CTU2: variants seen among roughly 807,000 people sequenced by gnomAD.
CTU2 encodes cytoplasmic tRNA 2-thiolation protein 2.
A neutral mutation model predicts 64.1 loss-of-function variants in CTU2; 80 were observed. That is an observed-to-expected ratio of 1.25 (90% CI 1.04 to 1.50). CTU2 has a LOEUF of 1.50. Ranked by LOEUF, CTU2 falls within the 40% of genes most tolerant of loss-of-function variation. The pLI, the probability that CTU2 is intolerant of heterozygous loss-of-function variation, is 0.00. For missense variants in CTU2, 1,110 were observed against 690.2 expected (o/e 1.61, Z -6.81); for synonymous variants, 482 against 285.3 (o/e 1.69, Z -6.95).
chr16:88,709,621 C>T (rs988179756), intron 2 of CTU2: 4 of 385,960 alleles, frequency 1.0e-5, no homozygotes, highest in African/African-American at 8.2e-5. Context: ...CTGTCCACTC[C>T]ACCAGCTGGG....
intron 11 of CTU2, 49 bp downstream of exon 11, chr16:88,714,535 G>A (rs1169124452): frequency 6.2e-7 from 1 of 1,612,428 alleles, no homozygotes; most frequent in East Asian, 2.2e-5. Flanking sequence ...GCCAGGGAGT[G>A]GGTGTGGGGG....
chr16:88,714,991 T>G, intron 13 of CTU2, 57 bp from the exon 14 acceptor site: 1 of 1,598,512 alleles, frequency 6.3e-7, no homozygotes, highest in Non-Finnish European at 8.5e-7. Context: ...ACCTCGTGGG[T>G]GGCTTGAGGG....
Position 88,714,943 on chromosome 16 carries a change from C to T in CTU2, c.1419+17C>T, listed in dbSNP as rs376143502. 6.2e-7 allele frequency: 1 copy of T among 1,611,176 alleles called. No individual in the cohort carries two copies. The highest frequency in any genetic ancestry group is 8.5e-7 in the Non-Finnish European group (1 of 1,178,886). On this transcript the variant is annotated intron_variant, in intron 13 of 14. Transcript: ENST00000453996. Reference sequence around the variant, plus strand: ...AAGGACTTGGTGAGTACGTGCCCACCTGTCCTGGGCCGGGCTTGGGGACGC... The same window carrying T: ...AAGGACTTGGTGAGTACGTGCCCACTTGTCCTGGGCCGGGCTTGGGGACGC...
rs755882986 is a variant in CTU2 at position 88,710,256 on chromosome 16, A to C, written c.256A>C (p.Ser86Arg). 3.1e-6 allele frequency: 5 copies of C among 1,613,878 alleles called. No homozygotes were observed. In the South Asian group the frequency reaches 5.5e-5, roughly 18 times the overall value. Reference protein sequence around the residue: ...LLAWSGGPSSSSMVWQVLEGL... With the variant: ...LLAWSGGPSSRSMVWQVLEGL... ...GGCGTGGTCTGGGGGGCCTTCGTCC[A>C]GCTCCATGGTCTGGCAGGTTCTTGA... is the stretch of plus-strand genomic sequence containing the variant. The change falls in exon 4 of 15, where the codon AGC becomes CGC. Residue 86 changes from serine (S) to arginine (R), a missense_variant. Ser to Arg is a moderately radical substitution (Grantham distance 110). Transcript: ENST00000453996.
At chr16:88,713,948 G>A (rs1351580237) in intron 9 of CTU2, among the ~76,000 whole-genome samples, 170 bp downstream of exon 9, 1 of 152,214 alleles carries the variant, frequency 6.6e-6, no homozygotes, top group Non-Finnish European at 1.5e-5. Context: ...AGGGTGTGGG[G>A]GTGACAGGAG....
intron 4 of CTU2, 84 bp downstream of exon 4, chr16:88,710,366 C>G (rs1304120957): frequency 3.4e-6 from 5 of 1,464,214 alleles, no homozygotes; most frequent in South Asian, 1.2e-5. Flanking sequence ...CTGAGGGGCT[C>G]TTGGTTGGGG....
At position 88,714,571 on chromosome 16, in the gene CTU2, C is replaced by A. The variant is rs1435905578; in HGVS notation, c.1202-16C>A. 4 of 1,612,546 alleles carry A rather than the reference C, an allele frequency of 2.5e-6. No individual in the cohort carries two copies. In the African/African-American group the frequency reaches 4.0e-5, roughly 16 times the overall value. On this transcript the variant is annotated splice_polypyrimidine_tract_variant and intron_variant, in intron 11 of 14. Transcript: ENST00000453996. ...CTCAGCAGCCCCAGGCTCCGTCACCCCCTCTCTGCTTGCAGACAGTGCCAC... is the reference window on the plus strand; with the variant it reads ...CTCAGCAGCCCCAGGCTCCGTCACCACCTCTCTGCTTGCAGACAGTGCCAC...
intron 9 of CTU2, 109 bp downstream of exon 9, chr16:88,713,887 C>A: frequency 6.9e-7 from 1 of 1,444,428 alleles, no homozygotes; most frequent in Non-Finnish European, 9.6e-7. Flanking sequence ...TCAGTGACTC[C>A]TGCTGTGGCC....
chr16:88,707,812 GT>G (rs11395253), intron 2 of CTU2, among the ~76,000 whole-genome samples: 16 of 144,628 alleles, frequency 1.1e-4, no homozygotes, highest in African/African-American at 3.2e-4. Context: ...TGTTGTTGTT[GT>G]TTTTTTTGAG....
chr16:88,713,803 T>G (rs887423577), intron 9 of CTU2, 25 bp downstream of exon 9: 2 of 1,610,454 alleles, frequency 1.2e-6, no homozygotes, highest in African/African-American at 2.7e-5. Flanking sequence ...CTGGGCAACC[T>G]CTCTCACCAT....
chr16:88,710,027 G>A lies in CTU2; in HGVS notation c.222+11G>A. 6.2e-7 allele frequency: 1 copy of A among 1,613,590 alleles called. No homozygotes were observed. The highest frequency in any genetic ancestry group is 1.6e-4 in the Middle Eastern group (1 of 6,062). On this transcript the variant is annotated intron_variant, in intron 3 of 14. Transcript: ENST00000453996. ...TTTCCAGGCGAGAAGGTAGCGTCTGGGTCCTGGGGGTCTGACTGAGCAGCC... is the reference window on the plus strand; with the variant it reads ...TTTCCAGGCGAGAAGGTAGCGTCTGAGTCCTGGGGGTCTGACTGAGCAGCC...
rs1376408222 is a variant in CTU2, at chr16:88,707,160, C to T, written c.93C>T (p.Cys31=). The change falls in exon 2 of 15, where the codon TGC becomes TGT. Residue 31 remains cysteine, a synonymous_variant. Transcript: ENST00000453996. ...RPSREQKCVK[C]KEAQPVVVIR... ...GCCGTGAGCAGAAGTGTGTGAAGTG[C>T]AAGGAAGCGCAGCCCGTTGTGGTGA... is the stretch of plus-strand genomic sequence containing the variant. 1.9e-6 allele frequency: 3 copies of T among 1,613,938 alleles called. No homozygotes were observed. The highest frequency in any genetic ancestry group is 1.3e-5 in the African/African-American group (1 of 75,044).
rs779893329 is a variant in CTU2, at chr16:88,714,140, C to A, written c.1010C>A (p.Pro337His). 6.2e-7 allele frequency: 1 copy of A among 1,612,626 alleles called. No homozygotes were observed. The highest frequency in any genetic ancestry group is 1.1e-5 in the South Asian group (1 of 91,078). Residue 337 changes from proline to histidine, a missense_variant, in exon 10 of 15, where the codon CCT (proline) becomes CAT (histidine). Pro to His is a moderately conservative substitution (Grantham distance 77). Coordinates refer to ENST00000453996, the MANE Select transcript of CTU2 (RefSeq NM_001012759.3). The stretch of plus-strand genomic sequence containing the variant: ...CTCCAATCTGATTGTCCCTAGGCCC[C>A]TGAAAAGGCCAGCATCCACCGGCTG... Reference protein sequence around the residue: ...VFTPAVDTKAPEKASIHRLME... With the variant: ...VFTPAVDTKAHEKASIHRLME...
chr16:88,712,368 G>A lies in CTU2; in HGVS notation c.438G>A (p.Val146=), dbSNP rs369169688. ...ILQATGFPWH[V]VALEEVFSLP... Reference sequence around the variant, plus strand: ...AAGCAACTGGGTTCCCATGGCATGTGGTGGCCTTAGAGGAGGTGGGAGGGC... The same window carrying A: ...AAGCAACTGGGTTCCCATGGCATGTAGTGGCCTTAGAGGAGGTGGGAGGGC... Residue 146 remains valine (V), a synonymous_variant, in exon 6 of 15, where the codon GTG becomes GTA. Coordinates refer to ENST00000453996, the MANE Select transcript of CTU2 (RefSeq NM_001012759.3). 5 of 1,608,356 alleles carry A rather than the reference G, an allele frequency of 3.1e-6. No homozygotes were observed. Among genetic ancestry groups the A allele is most frequent in the Non-Finnish European group, 4.2e-6 (5 of 1,177,272 alleles).
chr16:88,712,627 C>G lies in CTU2; in HGVS notation c.459C>G (p.Phe153Leu). The change falls in exon 7 of 15, where the codon TTC becomes TTG. Residue 153 changes from phenylalanine to leucine, a missense_variant. Coordinates refer to ENST00000453996, the MANE Select transcript of CTU2 (RefSeq NM_001012759.3). ...CGTCTCCCTCATCCCGGAAGGTGTT[C>G]AGCCTGCCACCGTCGGTGCTTTGGT... The part of the protein sequence containing the change: ...PWHVVALEEV[F>L]SLPPSVLWCS... 1 of 1,609,694 alleles carries G rather than the reference C, an allele frequency of 6.2e-7. No homozygotes were observed. The highest frequency in any genetic ancestry group is 8.5e-7 in the Non-Finnish European group (1 of 1,179,232).
At position 88,709,936 on chromosome 16, in the gene CTU2, AGG is replaced by A; in HGVS notation, c.144_145del (p.Asp49LeufsTer45). On this transcript the variant is annotated splice_acceptor_variant and coding_sequence_variant, in exon 3 of 15. Transcript: ENST00000453996. LOFTEE classifies it high-confidence loss of function. ...TTCCCTCATCTCAGGTCTGTGTTGC[AGG>A]GACTGTTTCAAGGCCTTCTACGTCC... 6.2e-7 allele frequency: 1 copy of A among 1,613,836 alleles called. No individual in the cohort carries two copies. The highest frequency in any genetic ancestry group is 1.1e-5 in the South Asian group (1 of 91,088).
rs780088546 is a variant in CTU2, at chr16:88,713,428, C to A, written c.854C>A (p.Ala285Asp). The A allele has an allele frequency of 1.3e-6, 2 of 1,585,318 alleles. No homozygotes were observed. The highest frequency in any genetic ancestry group is 1.7e-6 in the Non-Finnish European group (2 of 1,171,094). Residue 285 changes from alanine to aspartate, a missense_variant, in exon 8 of 15, where the codon GCC becomes GAC. Physicochemically the swap from Ala to Asp is moderately radical, Grantham distance 126. Coordinates refer to ENST00000453996, the MANE Select transcript of CTU2 (RefSeq NM_001012759.3). ...LMTNLALGRG[A>D]FLAWDTGFSD... ...ACCAACCTGGCGCTGGGTCGAGGGG[C>A]CTTCCTGGCCTGGGATACGGTAGGC...
At position 88,711,639 on chromosome 16, in the gene CTU2, T is replaced by C; in HGVS notation, c.287T>C (p.Leu96Pro). 1.2e-6 allele frequency: 2 copies of C among 1,604,540 alleles called. No individual in the cohort carries two copies. The highest frequency in any genetic ancestry group is 2.2e-5 in the South Asian group (2 of 89,546). Residue 96 changes from leucine to proline, a missense_variant, in exon 5 of 15, where the codon CTG (leucine) becomes CCG (proline). Leu to Pro is a moderately conservative substitution (Grantham distance 98, BLOSUM62 -3). Coordinates refer to ENST00000453996, the MANE Select transcript of CTU2 (RefSeq NM_001012759.3). ...SSMVWQVLEG[L>P]SQDSAKRLRF... ...CCCTGCTGCTTCTCCCTCTAGGGCC[T>C]GAGCCAAGATTCTGCCAAAAGACTG...
At position 88,714,310 on chromosome 16, in the gene CTU2, G is replaced by A. The variant is rs141153247; in HGVS notation, c.1098-73G>A. The A allele has an allele frequency of 1.3e-3, 2,107 of 1,600,948 alleles. 28 individuals carry two copies. In the African/African-American group the frequency reaches 0.025, roughly 19 times the overall value. ...TGTGCGGGTGGTGAGCTCACCACTCGTGCTCAGGCCAGGGCTTAGGGTGGA... is the reference window on the plus strand; with the variant it reads ...TGTGCGGGTGGTGAGCTCACCACTCATGCTCAGGCCAGGGCTTAGGGTGGA... On this transcript the variant is annotated intron_variant, in intron 10 of 14. Coordinates refer to ENST00000453996, the MANE Select transcript of CTU2 (RefSeq NM_001012759.3).
Sources: allele counts gnomAD v4.1 joint callset (sites outside exome capture counted in the v4.1 genomes callset), GRCh38; gene constraint gnomAD v4.1.1; transcripts MANE v1.5; gene names NCBI Gene and HGNC (gene_info 2026-07-23, HGNC 2026-07-21).